The following KDM4C variants were observed in gnomAD, a reference collection of about 807,000 sequenced individuals.
KDM4C encodes lysine demethylase 4C.
A neutral mutation model predicts 129.3 loss-of-function variants in KDM4C; 81 were observed. The ratio of observed to expected loss-of-function variants is 0.63; its 90% CI spans 0.52 to 0.75. The LOEUF (loss-of-function observed/expected upper bound fraction) is 0.75. KDM4C is among the 30% of genes least tolerant of loss of function. The probability of loss-of-function intolerance (pLI) is 0.00; values close to 1 mark genes in which losing one functional copy is unlikely to be tolerated. For synonymous variants in KDM4C, 573 were observed against 456.1 expected (o/e 1.26, Z -3.26); for missense variants, 1,457 against 1,304.0 (o/e 1.12, Z -1.81).
At chr9:6,866,797 C>T (rs1461669819) in intron 5 of KDM4C, among the ~76,000 whole-genome samples, 2 of 151,376 alleles carry the variant, frequency 1.3e-5, no homozygotes, top group Admixed American at 6.6e-5. Context: ...GTCTCTTATT[C>T]TCTTACTATT....
intron 2 of KDM4C, among the ~76,000 whole-genome samples, chr9:6,800,080 A>G (rs1828646040): frequency 6.6e-6 from 1 of 151,658 alleles, no homozygotes; most frequent in African/African-American, 2.4e-5. Flanking sequence ...ATAAATAAAT[A>G]AAAAAGGCCA....
intron 1 of KDM4C, among the ~76,000 whole-genome samples, chr9:6,725,691 C>T (rs1394820165): frequency 9.7e-6 from 1 of 103,620 alleles, no homozygotes; most frequent in Non-Finnish European, 1.9e-5. Flanking sequence ...GGGTTTCTTT[C>T]TTTTCTTTTC....
intron 17 of KDM4C, among the ~76,000 whole-genome samples, chr9:7,052,902 C>A (rs11506700): frequency 0.046 from 1,952 of 42,202 alleles, 150 homozygotes; most frequent in Middle Eastern, 0.18. Context: ...AGAGAGAGAG[C>A]GAGCGAGTGC....
chr9:6,878,754 G>A (rs547676301), intron 5 of KDM4C, among the ~76,000 whole-genome samples: 1 of 152,206 alleles, frequency 6.6e-6, no homozygotes, highest in East Asian at 1.9e-4. Flanking sequence ...ATGTATGTGT[G>A]TGATGAGGAA....
At chr9:6,804,404 G>T (rs1222852630) in intron 2 of KDM4C, among the ~76,000 whole-genome samples, 1 of 152,196 alleles carries the variant, frequency 6.6e-6, no homozygotes, top group African/African-American at 2.4e-5. Context: ...TGGAAAGCTG[G>T]TTATTAAAGA....
intron 1 of KDM4C, among the ~76,000 whole-genome samples, chr9:6,778,593 C>G (rs534838325): frequency 6.6e-6 from 1 of 151,080 alleles, no homozygotes; most frequent in Non-Finnish European, 1.5e-5. Context: ...ATGGTGAAAC[C>G]CCGCCTCTAC....
rs542289968 is a variant in KDM4C, at chr9:7,016,277, G to A, written c.2259+348G>A. ...CAAGTAGCTGGGACTACAGGCACCC[G>A]CCACCACGCCTGGCTAATTTTTTGT... is the stretch of plus-strand genomic sequence containing the variant. On this transcript the variant is annotated intron_variant, in intron 15 of 21. Coordinates refer to ENST00000381309, the MANE Select transcript of KDM4C (RefSeq NM_015061.6). 1.2e-3 allele frequency among the ~76,000 whole-genome samples: 181 copies of A among 151,936 alleles called. 2 individuals are homozygous for A. The Middle Eastern group carries it at 0.02, about 17-fold the overall frequency.
chr9:6,983,231 G>T (rs1323399), intron 9 of KDM4C, among the ~76,000 whole-genome samples: 36,005 of 152,002 alleles, frequency 0.24, 4,691 homozygotes, highest in South Asian at 0.45. Context: ...TAGTCCTGTG[G>T]TGGTTTCTTG....
At chr9:6,773,380 A>G (rs1030222817) in intron 1 of KDM4C, among the ~76,000 whole-genome samples, 1 of 152,148 alleles carries the variant, frequency 6.6e-6, no homozygotes, top group African/African-American at 2.4e-5. Context: ...TGCCAGTGTC[A>G]TTGTTGATGT....
chr9:6,944,527 T>TG (rs1328630505), intron 8 of KDM4C, among the ~76,000 whole-genome samples: 4 of 152,212 alleles, frequency 2.6e-5, no homozygotes, highest in Non-Finnish European at 5.9e-5. Flanking sequence ...CTGTGTATTT[T>TG]GGCACTCATT....
rs1420857292 is a variant in KDM4C, at chr9:6,969,870, T to TC, written c.922-11055_922-11054insC. Among the ~76,000 whole-genome samples, 457 of 152,392 alleles carry TC rather than the reference T, an allele frequency of 3.0e-3. 1 individual carries two copies. The highest frequency in any genetic ancestry group is 0.01 in the African/African-American group (432 of 41,598). Reference sequence around the variant, plus strand: ...TGCAGGACTACCTACTTGACATTTCTTGTCATACTTTCTGCTCTGTTGATT... The same window carrying TC: ...TGCAGGACTACCTACTTGACATTTCTCTGTCATACTTTCTGCTCTGTTGATT... On this transcript the variant is annotated intron_variant, in intron 8 of 21. Transcript: ENST00000381309.
chr9:6,992,979 G>C (rs1260278720), intron 12 of KDM4C, among the ~76,000 whole-genome samples: 1 of 152,174 alleles, frequency 6.6e-6, no homozygotes, highest in Non-Finnish European at 1.5e-5. Context: ...TGAGAGATGA[G>C]CCACTTGTAC....
chr9:6,884,083 G>T (rs765126400), intron 6 of KDM4C, among the ~76,000 whole-genome samples: 1 of 152,094 alleles, frequency 6.6e-6, no homozygotes, highest in African/African-American at 2.4e-5. Context: ...TAGGAGAAGC[G>T]CCATTCTCCA....
chr9:7,018,432 T>C (rs1042233737), intron 15 of KDM4C, among the ~76,000 whole-genome samples: 1 of 152,254 alleles, frequency 6.6e-6, no homozygotes, highest in Non-Finnish European at 1.5e-5. Flanking sequence ...GAAGTCCTGC[T>C]TCTAATCTTG....
intron 8 of KDM4C, among the ~76,000 whole-genome samples, chr9:6,921,221 T>C (rs923069212): frequency 6.6e-6 from 1 of 152,184 alleles, no homozygotes; most frequent in Non-Finnish European, 1.5e-5. Context: ...TTAAATATTA[T>C]CTGTATGCTG....
intron 8 of KDM4C, among the ~76,000 whole-genome samples, chr9:6,934,885 C>CT (rs146928773): frequency 0.25 from 37,838 of 148,414 alleles, 5,130 homozygotes; most frequent in South Asian, 0.4. Context: ...AATAATATTT[C>CT]TTTTTTTTTT....
At chr9:6,949,307 C>T (rs1175312927) in intron 8 of KDM4C, among the ~76,000 whole-genome samples, 14 of 150,526 alleles carry the variant, frequency 9.3e-5, no homozygotes, top group African/African-American at 2.5e-4. Context: ...CGGGCAGAGA[C>T]GCTCCTCATT....
At chr9:6,871,288 C>T (rs151014903) in intron 5 of KDM4C, among the ~76,000 whole-genome samples, 1 of 152,206 alleles carries the variant, frequency 6.6e-6, no homozygotes, top group East Asian at 1.9e-4. Context: ...TTGGCCTAAT[C>T]TCATTCAGTT....
intron 17 of KDM4C, among the ~76,000 whole-genome samples, chr9:7,063,068 A>G (rs906250734): frequency 4.6e-5 from 7 of 152,224 alleles, no homozygotes; most frequent in African/African-American, 1.4e-4. Context: ...GTTTATGGAT[A>G]TAAATAATTA....
Sources: gnomAD v4.1 joint callset for allele counts (sites outside exome capture counted in the v4.1 genomes callset) on GRCh38, gnomAD v4.1.1 for gene constraint, MANE v1.5 for transcripts, NCBI Gene and HGNC (gene_info 2026-07-23, HGNC 2026-07-21) for gene names.